NUP58: variants seen among roughly 807,000 people sequenced by gnomAD.
NUP58 encodes nucleoporin 58, also known as nucleoporin p58/p45.
A neutral mutation model predicts 70.1 loss-of-function variants in NUP58; 17 were observed. The observed-to-expected ratio is 0.24, with a 90% confidence interval of 0.17 to 0.36. NUP58 has a LOEUF of 0.36. NUP58 is among the 10% of genes least tolerant of loss of function. NUP58 has a pLI of 1.00. For missense variants in NUP58, 644 were observed against 701.5 expected, an observed-to-expected ratio of 0.92 and a Z score of 0.93; for synonymous variants, 275 against 257.6, an observed-to-expected ratio of 1.07 and a Z score of -0.65.
chr13:25,348,746 A>C (rs1465640613), intron 3 of NUP58, among the ~76,000 whole-genome samples: 1 of 152,202 alleles, frequency 6.6e-6, no homozygotes, highest in Non-Finnish European at 1.5e-5. Context: ...ATCAATTGTT[A>C]AAGCATTTTC....
chr13:25,328,395 C>CTTT (rs397851817), intron 12 of NUP58, among the ~76,000 whole-genome samples: 1 of 91,984 alleles, frequency 1.1e-5, no homozygotes, highest in African/African-American at 3.5e-5. Flanking sequence ...CTGACTCTCG[C>CTTT]TTTTTTTTTT....
intron 12 of NUP58, among the ~76,000 whole-genome samples, chr13:25,329,825 ATTTTG>A (rs955045453): frequency 1.3e-5 from 2 of 151,870 alleles, no homozygotes; most frequent in African/African-American, 2.4e-5. Context: ...TTGTTTTATT[ATTTTG>A]TTTTGTTTTG....
At chr13:25,324,897 G>T in intron 9 of NUP58, 92 bp from the exon 10 acceptor site, 1 of 828,762 alleles carries the variant, frequency 1.2e-6, no homozygotes, top group Non-Finnish European at 2.0e-6. Context: ...TGAAGTTTCA[G>T]TCCAGAGACT....
chr13:25,330,282 C>T (rs1455113053), intron 12 of NUP58, among the ~76,000 whole-genome samples: 3 of 152,200 alleles, frequency 2.0e-5, no homozygotes, highest in Non-Finnish European at 4.4e-5. Flanking sequence ...GTTTTTCTTA[C>T]ATCATATGTC....
intron 13 of NUP58, chr13:25,334,643 A>C: frequency 1.2e-5 from 12 of 981,354 alleles, no homozygotes; most frequent in Non-Finnish European, 1.5e-5. Context: ...AATGTGACTT[A>C]GAAATAACCA....
intron 12 of NUP58, among the ~76,000 whole-genome samples, chr13:25,328,388 ACT>A (rs1305147547): frequency 1.5e-5 from 2 of 132,364 alleles, no homozygotes; most frequent in African/African-American, 5.3e-5. Context: ...ATTTAGACTG[ACT>A]CTCGCTTTTT....
At chr13:25,304,430 A>G (rs1457405363) in intron 1 of NUP58, among the ~76,000 whole-genome samples, 1 of 142,498 alleles carries the variant, frequency 7.0e-6, no homozygotes, top group Non-Finnish European at 1.5e-5. Flanking sequence ...AGTATTTTCA[A>G]CTTTCATTAT....
downstream of NUP58, among the ~76,000 whole-genome samples, chr13:25,344,974 A>C (rs894760792): frequency 2.6e-5 from 4 of 152,170 alleles, no homozygotes; most frequent in African/African-American, 9.7e-5. Context: ...GGGCCTTGCT[A>C]ACATGAGCCA....
chr13:25,335,998 A>G, intron 13 of NUP58: 1 of 1,121,954 alleles, frequency 8.9e-7, no homozygotes, highest in Non-Finnish European at 1.1e-6. Context: ...TAGTAGTTTA[A>G]AAGAGAGGCT....
chr13:25,315,532 A>G, intron 6 of NUP58, 65 bp downstream of exon 6: 1 of 1,135,042 alleles, frequency 8.8e-7, no homozygotes, highest in Non-Finnish European at 1.3e-6. Context: ...AGGTTGCTCA[A>G]AATTCCTTTG....
intron 14 of NUP58, among the ~76,000 whole-genome samples, 198 bp downstream of exon 14, chr13:25,337,232 C>A (rs2031818665): frequency 6.6e-6 from 1 of 152,092 alleles, no homozygotes; most frequent in Non-Finnish European, 1.5e-5. Context: ...CTTCTGTGAA[C>A]AGCAAATATA....
At chr13:25,348,750 C>T (rs2032076864) in intron 3 of NUP58, among the ~76,000 whole-genome samples, 3 of 152,164 alleles carry the variant, frequency 2.0e-5, no homozygotes, top group Admixed American at 2.0e-4. Flanking sequence ...ATTGTTAAAG[C>T]ATTTTCCTAC....
At chr13:25,347,947 G>A (rs984429401) in intron 3 of NUP58, among the ~76,000 whole-genome samples, 14 of 152,108 alleles carry the variant, frequency 9.2e-5, no homozygotes, top group African/African-American at 3.1e-4. Flanking sequence ...GATTTAGAAC[G>A]AGAAATTCTT....
chr13:25,338,705 A>G lies in NUP58; in HGVS notation c.1604A>G (p.Asn535Ser), dbSNP rs773777160. Residue 535 changes from asparagine to serine, a missense_variant, in exon 15 of 16, where the codon AAT (asparagine) becomes AGT (serine). Coordinates refer to ENST00000381736, the MANE Select transcript of NUP58 (RefSeq NM_014089.4). Reference sequence around the variant, plus strand: ...TCCACATTTGGATTTGGAACAACAAATAAACCCTCAGGAAGTCTTAGTGCA... The same window carrying G: ...TCCACATTTGGATTTGGAACAACAAGTAAACCCTCAGGAAGTCTTAGTGCA... The part of the protein sequence containing the change: ...GASTFGFGTT[N>S]KPSGSLSAGF... 1.6e-5 allele frequency: 26 copies of G among 1,613,694 alleles called. No individual in the cohort carries two copies. The African/African-American group carries it at 2.3e-4, about 14-fold the overall frequency.
At chr13:25,343,406 T>G (rs1368050253), downstream of NUP58, among the ~76,000 whole-genome samples, 4 of 152,044 alleles carry the variant, frequency 2.6e-5, no homozygotes, top group East Asian at 7.7e-4. Flanking sequence ...CATGTGCAGT[T>G]TCTTCTCAGA....
At chr13:25,330,284 T>A (rs2031557399) in intron 12 of NUP58, among the ~76,000 whole-genome samples, 1 of 152,158 alleles carries the variant, frequency 6.6e-6, no homozygotes, top group Admixed American at 6.5e-5. Context: ...TTTTCTTACA[T>A]CATATGTCTT....
rs1399782494 is a variant in NUP58 at position 25,312,913 on chromosome 13, C to G, written c.317C>G (p.Thr106Arg). The G allele has an allele frequency of 6.2e-6, 10 of 1,613,370 alleles. No individual in the cohort carries two copies. The highest frequency in any genetic ancestry group is 8.5e-6 in the Non-Finnish European group (10 of 1,179,690). The change falls in exon 4 of 16, where the codon ACA (threonine) becomes AGA (arginine). Residue 106 changes from threonine to arginine, a missense_variant. This residue lies in a region of NUP58 where 430 missense variants were observed against 409.2 expected (regional missense o/e 1.05). Coordinates refer to ENST00000381736, the MANE Select transcript of NUP58 (RefSeq NM_014089.4). ...GTPATTSAAT[T>R]GFSLGFNKPA... ...CCAGCCACTACATCTGCAGCTACAACAGGCTTCAGTTTAGGATTCAATAAA... is the reference window on the plus strand; with the variant it reads ...CCAGCCACTACATCTGCAGCTACAAGAGGCTTCAGTTTAGGATTCAATAAA...
chr13:25,335,388 G>A (rs1450623242), intron 13 of NUP58: 1 of 985,270 alleles, frequency 1.0e-6, no homozygotes, highest in Non-Finnish European at 1.2e-6. Context: ...TCCACCAGCA[G>A]TGCCTCCTAT....
At chr13:25,304,912 A>C (rs1448097323) in intron 1 of NUP58, among the ~76,000 whole-genome samples, 1 of 152,096 alleles carries the variant, frequency 6.6e-6, no homozygotes, top group Non-Finnish European at 1.5e-5. Context: ...TAACAATACG[A>C]TCAGACTACT....
Sources: allele counts gnomAD v4.1 joint callset (sites outside exome capture counted in the v4.1 genomes callset), GRCh38; gene constraint gnomAD v4.1.1; regional missense constraint gnomAD v4.1.1; transcripts MANE v1.5; gene names NCBI Gene and HGNC (gene_info 2026-07-23, HGNC 2026-07-21).